TSHZ3: variants seen among roughly 807,000 people sequenced by gnomAD.
The protein encoded by TSHZ3 is teashirt zinc finger homeobox 3.
Under a neutral mutation model 64.5 loss-of-function variants are expected in TSHZ3, and 10 were observed. The observed-to-expected ratio is 0.16, with a 90% confidence interval of 0.10 to 0.26. The LOEUF is 0.26. Among genes scored for constraint, TSHZ3 ranks in the 10% least tolerant of loss-of-function variants. The pLI is 1.00. For missense variants in TSHZ3, 1,242 were observed against 1,421.7 expected (o/e 0.87, Z 2.03); for synonymous variants, 608 against 593.1 (o/e 1.03, Z -0.36).
intron 4 of TSHZ3, among the ~76,000 whole-genome samples, chr19:31,224,041 A>G (rs1217770387): frequency 6.6e-6 from 1 of 152,230 alleles, no homozygotes; most frequent in Non-Finnish European, 1.5e-5. Context: ...ATGAAAAATG[A>G]AAGGCATTCT....
intron 4 of TSHZ3, among the ~76,000 whole-genome samples, chr19:31,212,098 G>A (rs555994477): frequency 1.5e-4 from 23 of 150,734 alleles, no homozygotes; most frequent in Non-Finnish European, 3.0e-4. Flanking sequence ...AGATAAAACC[G>A]TGAAATGTTA....
intron 1 of TSHZ3, among the ~76,000 whole-genome samples, chr19:31,251,880 G>A (rs1044019942): frequency 5.9e-5 from 9 of 152,194 alleles, no homozygotes; most frequent in Non-Finnish European, 1.0e-4. Context: ...CGCTGATGCC[G>A]GAGCAAACCG....
At chr19:31,317,996 T>C (rs1916653476) in intron 1 of TSHZ3, among the ~76,000 whole-genome samples, 1 of 152,174 alleles carries the variant, frequency 6.6e-6, no homozygotes, top group Non-Finnish European at 1.5e-5. Context: ...AAACAATCTA[T>C]TGAAGAGTTT....
downstream of TSHZ3, among the ~76,000 whole-genome samples, chr19:31,273,501 G>A (rs754236276): frequency 5.3e-5 from 8 of 152,148 alleles, no homozygotes; most frequent in Non-Finnish European, 8.8e-5. Flanking sequence ...ACCGTCACTC[G>A]TACAAATCCC....
At chr19:31,174,820 G>T (rs1359251630) in intron 5 of TSHZ3, among the ~76,000 whole-genome samples, 1 of 152,250 alleles carries the variant, frequency 6.6e-6, no homozygotes, top group Admixed American at 6.5e-5. Context: ...GGGCTGAACA[G>T]GAGTGGGACC....
chr19:31,231,353 T>A (rs1975536990), intron 3 of TSHZ3, among the ~76,000 whole-genome samples: 1 of 152,128 alleles, frequency 6.6e-6, no homozygotes, highest in South Asian at 2.1e-4. Context: ...CCCTGGCTGA[T>A]CTACATTGAT....
rs1415807079 is a variant in TSHZ3, at chr19:31,278,025, T to A, written c.1768A>T (p.Thr590Ser). 6.2e-7 allele frequency: 1 copy of A among 1,613,404 alleles called. No individual in the cohort carries two copies. The highest frequency in any genetic ancestry group is 8.5e-7 in the Non-Finnish European group (1 of 1,179,506). ...TGGCTGCTGGGTGGAGAGACCAGGG[T>A]CTGGTTTTTCGTCGGGGAGACAATC... The part of the protein sequence containing the change: ...SEIVSPTKNQ[T>S]LVSPPSSQTS... The change falls in exon 2 of 2, where the codon ACC (threonine) becomes TCC (serine). Residue 590 changes from threonine (T) to serine (S), a missense_variant. Around this residue, in one of 4 missense-constraint regions of TSHZ3, gnomAD observed 550 missense variants for 545.1 expected, o/e 1.01. Coordinates refer to ENST00000240587, the MANE Select transcript of TSHZ3 (RefSeq NM_020856.4). The surrounding 1 kb of genome is among the most constrained non-coding windows in gnomAD (Gnocchi z 4.7).
At chr19:31,156,513 G>T (rs1276051025) in intron 5 of TSHZ3, among the ~76,000 whole-genome samples, 4 of 152,104 alleles carry the variant, frequency 2.6e-5, no homozygotes, top group Non-Finnish European at 4.4e-5. Flanking sequence ...GCCACCCAGG[G>T]CATCTATTTA....
chr19:31,350,790 A>T (rs2021699027), upstream of TSHZ3, among the ~76,000 whole-genome samples: 1 of 146,792 alleles, frequency 6.8e-6, no homozygotes, highest in Non-Finnish European at 1.5e-5. Flanking sequence ...GCTGAGCGGG[A>T]GCCGGAGCCC....
chr19:31,313,942 T>G (rs1916532468), intron 1 of TSHZ3, among the ~76,000 whole-genome samples: 1 of 152,156 alleles, frequency 6.6e-6, no homozygotes, highest in Admixed American at 6.5e-5. Context: ...GCCACAGAAT[T>G]TCACTTGTAA....
chr19:31,315,247 C>T lies in TSHZ3; in HGVS notation c.40+33933G>A, dbSNP rs570489899. On this transcript the variant is annotated intron_variant, in intron 1 of 1. Transcript: ENST00000240587. The stretch of plus-strand genomic sequence containing the variant: ...TTTGTTTCTTTTTCTTTTCTCTTTC[C>T]CCTTCTCCTTCGAGGCTCACATCAG... 2.0e-4 allele frequency among the ~76,000 whole-genome samples: 31 copies of T among 152,288 alleles called. No individual in the cohort carries two copies. The South Asian group carries it at 5.8e-3, about 29-fold the overall frequency.
At chr19:31,152,831 G>A (rs1161442560) in intron 6 of TSHZ3, among the ~76,000 whole-genome samples, 3 of 152,134 alleles carry the variant, frequency 2.0e-5, no homozygotes, top group Admixed American at 6.5e-5. Context: ...GGCATCTGAG[G>A]CACCATCACC....
intron 1 of TSHZ3, among the ~76,000 whole-genome samples, chr19:31,248,789 A>G (rs954586690): frequency 2.4e-5 from 3 of 127,438 alleles, no homozygotes; most frequent in Non-Finnish European, 4.8e-5. Context: ...ACCCTGTTTG[A>G]AAAAAAAAAA....
At chr19:31,222,955 A>G (rs781403895) in intron 4 of TSHZ3, among the ~76,000 whole-genome samples, 1 of 152,200 alleles carries the variant, frequency 6.6e-6, no homozygotes, top group African/African-American at 2.4e-5. Flanking sequence ...CTGCCTGCCC[A>G]ACCTTTGCAA....
chr19:31,319,863 T>C (rs1916712753), intron 1 of TSHZ3, among the ~76,000 whole-genome samples: 1 of 147,236 alleles, frequency 6.8e-6, no homozygotes, highest in Admixed American at 6.8e-5. Flanking sequence ...ATGACATATA[T>C]GGACTCTTAA....
intron 1 of TSHZ3, among the ~76,000 whole-genome samples, chr19:31,339,671 C>T (rs1390400159): frequency 1.3e-5 from 2 of 152,090 alleles, no homozygotes; most frequent in East Asian, 3.9e-4. Flanking sequence ...CTCTTCTCCA[C>T]CAGGATTTAG....
At chr19:31,198,755 A>G (rs1445528422) in intron 5 of TSHZ3, among the ~76,000 whole-genome samples, 3 of 152,204 alleles carry the variant, frequency 2.0e-5, no homozygotes, top group African/African-American at 4.8e-5. Flanking sequence ...GAAGAAAACT[A>G]TAAAACTATG....
chr19:31,160,500 A>G (rs1974362090), intron 5 of TSHZ3, among the ~76,000 whole-genome samples: 1 of 152,198 alleles, frequency 6.6e-6, no homozygotes, highest in African/African-American at 2.4e-5. Flanking sequence ...CCAAATGGGT[A>G]TTTGAGTCTG....
intron 5 of TSHZ3, among the ~76,000 whole-genome samples, chr19:31,164,274 C>A (rs753936088): frequency 2.0e-5 from 3 of 152,186 alleles, no homozygotes; most frequent in East Asian, 3.9e-4. Flanking sequence ...GCTGTTCCTG[C>A]ACTGCGAATT....
Sources: allele counts gnomAD v4.1 joint callset (sites outside exome capture counted in the v4.1 genomes callset), GRCh38; gene constraint gnomAD v4.1.1; regional missense constraint gnomAD v4.1.1; non-coding constraint Gnocchi (gnomAD v3.1); transcripts MANE v1.5; gene names NCBI Gene and HGNC (gene_info 2026-07-23, HGNC 2026-07-21).